Variants in GGTA1 observed in about 807,000 individuals in gnomAD.
GGTA1 encodes glycoprotein alpha-galactosyltransferase 1 (inactive).
In GGTA1, 5 loss-of-function variants were observed where a neutral mutation model predicts 2.6. The observed-to-expected ratio is 1.92, with a 90% CI of 1.00 to 4.04. The LOEUF (loss-of-function observed/expected upper bound fraction) is 4.04, where lower values mean the gene tolerates loss of function less well. Among genes scored for constraint, GGTA1 ranks in the 30% most tolerant of loss-of-function variants. The pLI is 0.00. For missense variants in GGTA1, 50 were observed against 16.7 expected, an observed-to-expected ratio of 2.99 and a Z score of -3.47; for synonymous variants, 17 against 5.0, an observed-to-expected ratio of 3.38 and a Z score of -3.19.
chr9:121,482,379 A>G (rs1345098667), intron 1 of GGTA1, among the ~76,000 whole-genome samples: 1 of 152,116 alleles, frequency 6.6e-6, no homozygotes, highest in African/African-American at 2.4e-5. Context: ...AGGTGAGAGG[A>G]TCACTTGAGA....
intron 1 of GGTA1, among the ~76,000 whole-genome samples, chr9:121,488,006 G>A (rs919491877): frequency 1.3e-5 from 2 of 152,102 alleles, no homozygotes; most frequent in East Asian, 1.9e-4. Context: ...GTGAGCCACC[G>A]CGCCAGGCCT....
intron 2 of GGTA1, among the ~76,000 whole-genome samples, chr9:121,466,016 A>G (rs915890580): frequency 6.6e-6 from 1 of 152,130 alleles, no homozygotes; most frequent in African/African-American, 2.4e-5. Context: ...CTCAGGCTCA[A>G]GTGATCCTCC....
chr9:121,498,432 T>C (rs1829034702), intron 1 of GGTA1, among the ~76,000 whole-genome samples: 2 of 152,176 alleles, frequency 1.3e-5, no homozygotes, highest in South Asian at 2.1e-4. Flanking sequence ...AGCACAGAAA[T>C]GCAGCAGAAT....
chr9:121,471,701 G>A (rs920417924), intron 1 of GGTA1, among the ~76,000 whole-genome samples: 1 of 152,126 alleles, frequency 6.6e-6, no homozygotes, highest in Non-Finnish European at 1.5e-5. Flanking sequence ...CTGAGATGAC[G>A]AGTTTGCTGG....
In GGTA1 at chr9:121,498,356, A is replaced by G. The variant is rs565953708; in HGVS notation, c.-10+1294T>C. On this transcript the variant is annotated intron_variant, in intron 1 of 5. Transcript: ENST00000481799. ...GATCCACATGCTGCCCCCATCTGGT[A>G]GAGGAGGCAAAATTCACCCAGATGT... 7.2e-5 allele frequency among the ~76,000 whole-genome samples: 11 copies of G among 152,350 alleles called. No individual in the cohort carries two copies. The South Asian group carries it at 2.1e-3, about 29-fold the overall frequency.
intron 5 of GGTA1, among the ~76,000 whole-genome samples, chr9:121,458,674 A>G (rs564032570): frequency 7.8e-4 from 114 of 147,072 alleles, no homozygotes; most frequent in African/African-American, 2.7e-3. Flanking sequence ...AGGATAAGAT[A>G]AGATAAATTA....
At chr9:121,460,296 T>C in intron 4 of GGTA1, 77 bp from the exon 5 acceptor site, 1 of 449,636 alleles carries the variant, frequency 2.2e-6, no homozygotes, top group Non-Finnish European at 4.5e-6. Flanking sequence ...GAATATCTTG[T>C]GGAAATGTGT....
chr9:121,464,187 T>C (rs1310702714), intron 2 of GGTA1, among the ~76,000 whole-genome samples: 1 of 152,226 alleles, frequency 6.6e-6, no homozygotes, highest in Non-Finnish European at 1.5e-5. Flanking sequence ...TCCACTCAAA[T>C]GCCACCTTTT....
intron 5 of GGTA1, among the ~76,000 whole-genome samples, chr9:121,459,183 A>G (rs1970461): frequency 0.057 from 8,721 of 152,244 alleles, 282 homozygotes; most frequent in East Asian, 0.11. Flanking sequence ...CAGGCTGGGC[A>G]TGGTGGCTCA....
intron 1 of GGTA1, among the ~76,000 whole-genome samples, chr9:121,474,687 G>A (rs187566206): frequency 7.4e-4 from 113 of 152,286 alleles, no homozygotes; most frequent in African/African-American, 2.6e-3. Context: ...AATTCTAGCA[G>A]ATCCTATCTT....
intron 1 of GGTA1, among the ~76,000 whole-genome samples, chr9:121,483,510 A>G (rs1828697454): frequency 6.6e-6 from 1 of 152,206 alleles, no homozygotes; most frequent in African/African-American, 2.4e-5. Flanking sequence ...ATTGAAAGCC[A>G]GAGAACCGTA....
intron 4 of GGTA1, among the ~76,000 whole-genome samples, chr9:121,460,930 T>C (rs1206126358): frequency 6.6e-6 from 1 of 151,734 alleles, no homozygotes; most frequent in Non-Finnish European, 1.5e-5. Context: ...AAGACTTATT[T>C]ATCTGGATGT....
chr9:121,460,478 A>AG (rs947928217), intron 4 of GGTA1, among the ~76,000 whole-genome samples: 11 of 152,100 alleles, frequency 7.2e-5, no homozygotes, highest in East Asian at 5.8e-4. Context: ...AGGTTATTTC[A>AG]GGGGGGGTGA....
intron 1 of GGTA1, among the ~76,000 whole-genome samples, chr9:121,487,632 C>T (rs1385071934): frequency 1.3e-5 from 2 of 151,352 alleles, no homozygotes; most frequent in Admixed American, 6.6e-5. Flanking sequence ...TAAGAACCAG[C>T]GCACTAGCGC....
At chr9:121,486,066 C>T (rs1828748593) in intron 1 of GGTA1, among the ~76,000 whole-genome samples, 1 of 152,200 alleles carries the variant, frequency 6.6e-6, no homozygotes, top group Non-Finnish European at 1.5e-5. Flanking sequence ...AGGCTCTTTT[C>T]CCCTCTGATA....
chr9:121,461,158 A>C (rs1462737726), intron 4 of GGTA1, 94 bp downstream of exon 4: 1 of 393,734 alleles, frequency 2.5e-6, no homozygotes, highest in African/African-American at 2.1e-5. Context: ...AAGATGAGTG[A>C]CTGAGAAGGT....
rs1245669505 is a variant in GGTA1 at position 121,460,100 on chromosome 9, T to C, written c.298+4A>G. The C allele has an allele frequency of 2.2e-6, 1 of 456,732 alleles. No individual in the cohort carries two copies. Among genetic ancestry groups the C allele is most frequent in the South Asian group, 1.5e-5 (1 of 64,562 alleles). 28.3% of individuals were successfully genotyped at this position (456,732 alleles called of 1,614,324 possible). A position where few individuals can be genotyped will look rare whatever the true frequency, so the allele number is the denominator to read the frequency against. On this transcript the variant is annotated splice_donor_region_variant and intron_variant, in intron 5 of 5. Transcript: ENST00000481799. ...TGCACAGGGAGTGACGCCGCTTTTCTTACTTTGGATTAAACCAGTCCCATA... is the reference window on the plus strand; with the variant it reads ...TGCACAGGGAGTGACGCCGCTTTTCCTACTTTGGATTAAACCAGTCCCATA...
At chr9:121,452,514 TA>T (rs1330905034), downstream of GGTA1, among the ~76,000 whole-genome samples, 1 of 151,924 alleles carries the variant, frequency 6.6e-6, no homozygotes, top group Non-Finnish European at 1.5e-5. Context: ...CTTTTTTTTT[TA>T]TTTTTATTTT....
At chr9:121,451,125 G>A (rs2064876170), downstream of GGTA1, among the ~76,000 whole-genome samples, 1 of 151,846 alleles carries the variant, frequency 6.6e-6, no homozygotes, top group Admixed American at 6.6e-5. Flanking sequence ...GAAAAAAAAA[G>A]GAAAATTCTC....
Sources: gnomAD v4.1 joint callset for allele counts (sites outside exome capture counted in the v4.1 genomes callset) on GRCh38, gnomAD v4.1.1 for gene constraint, MANE v1.5 for transcripts, NCBI Gene and HGNC (gene_info 2026-07-23, HGNC 2026-07-21) for gene names.